The following MED27 variants were observed in gnomAD, a reference collection of about 807,000 sequenced individuals.
MED27 encodes the protein mediator of RNA polymerase II transcription subunit 27.
Under a neutral mutation model 38.2 loss-of-function variants are expected in MED27, and 30 were observed. The ratio of observed to expected loss-of-function variants is 0.79; its 90% confidence interval spans 0.59 to 1.07. MED27 has a LOEUF of 1.07. MED27 is among the 50% of genes least tolerant of loss of function. The pLI is 0.00. For missense variants in MED27, 289 were observed against 397.5 expected (o/e 0.73, Z 2.32); for synonymous variants, 122 against 153.5 (o/e 0.79, Z 1.52).
intron 4 of MED27, among the ~76,000 whole-genome samples, chr9:131,909,790 T>C (rs1830154942): frequency 1.3e-5 from 2 of 152,208 alleles, no homozygotes; most frequent in South Asian, 4.1e-4. Flanking sequence ...TTCTTGTGTG[T>C]CTGAGAATGC....
intron 6 of MED27, among the ~76,000 whole-genome samples, chr9:131,873,890 A>C (rs1671118594): frequency 6.6e-6 from 1 of 152,264 alleles, no homozygotes; most frequent in African/African-American, 2.4e-5. Context: ...TTCCAACCTT[A>C]TCCTCTTTAA....
chr9:132,072,366 C>T (rs1269352769), intron 2 of MED27, among the ~76,000 whole-genome samples: 1 of 152,116 alleles, frequency 6.6e-6, no homozygotes, highest in Non-Finnish European at 1.5e-5. Flanking sequence ...GTTGTGAGCT[C>T]AAGCATAAGC....
chr9:131,886,416 A>G (rs929337645), intron 5 of MED27, among the ~76,000 whole-genome samples: 1 of 152,072 alleles, frequency 6.6e-6, no homozygotes, highest in African/African-American at 2.4e-5. Context: ...ATGAACCTCA[A>G]TCACCCACTT....
intron 2 of MED27, among the ~76,000 whole-genome samples, chr9:132,041,714 G>C (rs757778241): frequency 6.6e-6 from 1 of 152,210 alleles, no homozygotes; most frequent in Non-Finnish European, 1.5e-5. Context: ...TCAGTGTGCT[G>C]AAAAATTTGT....
intron 3 of MED27, among the ~76,000 whole-genome samples, chr9:131,947,822 C>T (rs897318434): frequency 1.3e-5 from 2 of 152,152 alleles, no homozygotes; most frequent in Non-Finnish European, 1.5e-5. Context: ...TTTCTCCACC[C>T]GTACAAAATC....
At chr9:131,946,830 G>A (rs1830895302) in intron 3 of MED27, among the ~76,000 whole-genome samples, 1 of 152,174 alleles carries the variant, frequency 6.6e-6, no homozygotes, top group South Asian at 2.1e-4. Context: ...TTCCGTCTTT[G>A]AGTTTTCATC....
Position 131,982,812 on chromosome 9 carries a change from G to C in MED27, c.479+31525C>G, listed in dbSNP as rs1589248772. Among the ~76,000 whole-genome samples the C allele has an allele frequency of 6.6e-6, 1 of 152,176 alleles. No individual in the cohort carries two copies. The highest frequency in any genetic ancestry group is 1.5e-5 in the Non-Finnish European group (1 of 68,042). ...GTGCATCTCCAACTGTAGTACAAAA[G>C]CAGCCATATGTAATATGGAAATGAA... On this transcript the variant is annotated intron_variant, in intron 3 of 7. Transcript: ENST00000292035. The surrounding 1 kb of genome is among the most constrained non-coding windows in gnomAD (Gnocchi z 4.3).
intron 3 of MED27, among the ~76,000 whole-genome samples, chr9:131,951,909 T>C (rs748269991): frequency 1.2e-4 from 19 of 152,242 alleles, no homozygotes; most frequent in Non-Finnish European, 2.1e-4. Flanking sequence ...GCATTTCAGT[T>C]AGTAAGCACA....
At chr9:131,970,524 C>T (rs1182954648) in intron 3 of MED27, among the ~76,000 whole-genome samples, 2 of 152,350 alleles carry the variant, frequency 1.3e-5, no homozygotes, top group African/African-American at 2.4e-5. Flanking sequence ...GTCCACACCA[C>T]GAAACAGGGA....
chr9:131,944,564 G>A (rs544814971), intron 3 of MED27, among the ~76,000 whole-genome samples: 10 of 144,428 alleles, frequency 6.9e-5, no homozygotes, highest in African/African-American at 2.3e-4. Flanking sequence ...GTCTCGCTCT[G>A]TCACCCAGGC....
chr9:132,069,875 T>C (rs1057148101), intron 2 of MED27, among the ~76,000 whole-genome samples: 1 of 152,166 alleles, frequency 6.6e-6, no homozygotes, highest in African/African-American at 2.4e-5. Flanking sequence ...CAGTGCTCTC[T>C]AGAATGCTCT....
At chr9:131,905,565 G>A (rs1014331130) in intron 4 of MED27, among the ~76,000 whole-genome samples, 5 of 152,062 alleles carry the variant, frequency 3.3e-5, no homozygotes, top group Non-Finnish European at 2.9e-5. Context: ...AGGTACGGTG[G>A]CTCATGCCTG....
chr9:132,063,462 C>T (rs1052952108), intron 2 of MED27, among the ~76,000 whole-genome samples: 4 of 152,164 alleles, frequency 2.6e-5, no homozygotes, highest in East Asian at 1.9e-4. Context: ...CCAAGTACAA[C>T]GTTTTGGCCG....
intron 3 of MED27, among the ~76,000 whole-genome samples, chr9:131,998,399 G>C (rs548187975): frequency 6.6e-6 from 1 of 151,916 alleles, no homozygotes; most frequent in Non-Finnish European, 1.5e-5. Context: ...TCCAGGCCTG[G>C]ATCTGTTACT....
chr9:131,888,705 C>T (rs998228762), intron 5 of MED27, among the ~76,000 whole-genome samples: 6 of 152,170 alleles, frequency 3.9e-5, no homozygotes, highest in African/African-American at 1.4e-4. Context: ...GGTGATAGGC[C>T]TATCAGTTTG....
chr9:132,054,904 C>G (rs1405899344), intron 2 of MED27, among the ~76,000 whole-genome samples: 2 of 152,184 alleles, frequency 1.3e-5, no homozygotes, highest in African/African-American at 2.4e-5. Context: ...GTCTGCCTGT[C>G]AGAAGCAGTC....
intron 6 of MED27, among the ~76,000 whole-genome samples, chr9:131,870,604 T>C (rs1838814277): frequency 6.6e-6 from 1 of 152,142 alleles, no homozygotes; most frequent in African/African-American, 2.4e-5. Flanking sequence ...CCAGACTCTA[T>C]GCCCCAAGCC....
At chr9:131,966,199 T>TAAAAAAA (rs201789144) in intron 3 of MED27, among the ~76,000 whole-genome samples, 38 of 96,326 alleles carry the variant, frequency 3.9e-4, no homozygotes, top group East Asian at 9.0e-4. Flanking sequence ...CCTGTTTCTT[T>TAAAAAAA]AAAAAAAAAA....
At chr9:131,971,146 AT>A (rs1675684372) in intron 3 of MED27, among the ~76,000 whole-genome samples, 1 of 152,260 alleles carries the variant, frequency 6.6e-6, no homozygotes. Context: ...AATGTTGGTG[AT>A]TTGGGATTTG....
Sources: gnomAD v4.1 joint callset for allele counts (sites outside exome capture counted in the v4.1 genomes callset) on GRCh38, gnomAD v4.1.1 for gene constraint, Gnocchi (gnomAD v3.1) non-coding constraint, MANE v1.5 for transcripts, NCBI Gene and HGNC (gene_info 2026-07-23, HGNC 2026-07-21) for gene names.